RAB11B: variants seen among roughly 807,000 people sequenced by gnomAD.
The protein encoded by RAB11B is ras-related protein Rab-11B.
A neutral mutation model predicts 23.7 loss-of-function variants in RAB11B; 7 were observed. The observed-to-expected ratio is 0.29, with a 90% CI of 0.17 to 0.55. RAB11B has a LOEUF of 0.55. RAB11B is among the 20% of genes least tolerant of loss of function. The probability of loss-of-function intolerance (pLI) is 0.93; values close to 1 mark genes in which losing one functional copy is unlikely to be tolerated. For missense variants in RAB11B, 189 were observed against 320.0 expected (o/e 0.59, Z 3.12); for synonymous variants, 138 against 132.0 (o/e 1.05, Z -0.31).
intron 1 of RAB11B, among the ~76,000 whole-genome samples, chr19:8,398,361 TC>T (rs1383669593): frequency 6.6e-6 from 1 of 152,234 alleles, no homozygotes; most frequent in Non-Finnish European, 1.5e-5. Context: ...AGGGTTTGCA[TC>T]TTGGCAAGCT....
rs1971337236 is a variant in RAB11B, at chr19:8,390,398, C to G, written c.-19C>G. The stretch of plus-strand genomic sequence containing the variant: ...GGTGGGGCTGCGGAGTCGCCGATCC[C>G]GCCGGAAGCGCCAGGACAATGGGGA... On this transcript the variant is annotated 5_prime_UTR_variant, in exon 1 of 5. Coordinates refer to ENST00000328024, the MANE Select transcript of RAB11B (RefSeq NM_004218.4). 6.5e-7 allele frequency: 1 copy of G among 1,529,274 alleles called. No homozygotes were observed. The highest frequency in any genetic ancestry group is 8.8e-7 in the Non-Finnish European group (1 of 1,142,194). 94.7% of individuals were successfully genotyped at this position (1,529,274 alleles called of 1,614,324 possible).
intron 1 of RAB11B, among the ~76,000 whole-genome samples, chr19:8,395,744 G>A (rs983955209): frequency 1.3e-5 from 2 of 152,312 alleles, no homozygotes; most frequent in African/African-American, 2.4e-5. Context: ...GCCCCAGGGG[G>A]ACAGGCTGCC....
rs1417488686 is a variant in RAB11B, at chr19:8,391,860, G to A, written c.40+1404G>A. On this transcript the variant is annotated intron_variant, in intron 1 of 4. Coordinates refer to ENST00000328024, the MANE Select transcript of RAB11B (RefSeq NM_004218.4). ...CCGTGTGGCGAAAGCCTTCCGGGGGGAGGGAGAGGAAGTGCCTCTACAAGG... is the reference window on the plus strand; with the variant it reads ...CCGTGTGGCGAAAGCCTTCCGGGGGAAGGGAGAGGAAGTGCCTCTACAAGG... 1.7e-4 allele frequency among the ~76,000 whole-genome samples: 26 copies of A among 152,010 alleles called. 1 individual carries two copies. The highest frequency in any genetic ancestry group is 1.7e-3 in the Admixed American group (26 of 15,240).
chr19:8,402,648 C>A lies in RAB11B; in HGVS notation c.511+83C>A, dbSNP rs561294851. 1.6e-5 allele frequency: 11 copies of A among 673,110 alleles called. No homozygotes were observed. In the African/African-American group the frequency reaches 2.0e-4, roughly 12 times the overall value. The allele number at this position is 673,110 out of a possible 1,614,324, so 41.7% of individuals were successfully genotyped here. On this transcript the variant is annotated intron_variant, in intron 4 of 4. Coordinates refer to ENST00000328024, the MANE Select transcript of RAB11B (RefSeq NM_004218.4). ...CCTCTGAACCTTCGCTTGTTTTGTT[C>A]GTTTGCTTGTTTTTTTCTTTTTTTT... is the stretch of plus-strand genomic sequence containing the variant.
At chr19:8,394,545 T>C (rs1371943401) in intron 1 of RAB11B, among the ~76,000 whole-genome samples, 1 of 152,206 alleles carries the variant, frequency 6.6e-6, no homozygotes, top group Middle Eastern at 3.2e-3. Flanking sequence ...AGAATGATAA[T>C]ATTTACATCT....
rs1568229833 is a variant in RAB11B at position 8,403,758 on chromosome 19, TG to T, written c.*201del. The T allele has an allele frequency of 2.8e-6, 2 of 724,886 alleles. No homozygotes were observed. The highest frequency in any genetic ancestry group is 3.6e-5 in the African/African-American group (2 of 54,880). 44.9% of individuals were successfully genotyped at this position (724,886 alleles called of 1,614,324 possible). A position where few individuals can be genotyped will look rare whatever the true frequency, so the allele number is the denominator to read the frequency against. On this transcript the variant is annotated 3_prime_UTR_variant, in exon 5 of 5. Transcript: ENST00000328024. ...CGGGGAAAAGCTAGAAGCCCCGGTT[TG>T]CTGCACCCATGAAACTCGGGTCCCC...
Position 8,402,110 on chromosome 19 carries a change from C to T in RAB11B, c.261C>T (p.Ala87=), listed in dbSNP as rs1178161655. 6.2e-7 allele frequency: 1 copy of T among 1,604,896 alleles called. No individual in the cohort carries two copies. Among genetic ancestry groups the T allele is most frequent in the South Asian group, 1.1e-5 (1 of 89,358 alleles). ...TSAYYRGAVG[A]LLVYDIAKHL... is the part of the protein sequence containing the mutation. ...GGTACTACCGTGGTGCAGTGGGCGC[C>T]CTGCTGGTGTACGACATCGCCAAGC... is the stretch of plus-strand genomic sequence containing the variant. The change falls in exon 3 of 5, where the codon GCC becomes GCT. Residue 87 remains alanine, a synonymous_variant. Transcript: ENST00000328024.
rs775815753 is a variant in RAB11B at position 8,403,468 on chromosome 19, G to A, written c.567G>A (p.Glu189=). 1.9e-6 allele frequency: 3 copies of A among 1,613,860 alleles called. No individual in the cohort carries two copies. The East Asian group carries it at 6.7e-5, about 36-fold the overall frequency. ...TCGCAGACCGCGCTGCCCACGACGAGTCCCCGGGGAACAACGTGGTGGACA... is the reference window on the plus strand; with the variant it reads ...TCGCAGACCGCGCTGCCCACGACGAATCCCCGGGGAACAACGTGGTGGACA... The part of the protein sequence containing the change: ...KQIADRAAHD[E]SPGNNVVDIS... The change falls in exon 5 of 5, where the codon GAG becomes GAA. Residue 189 remains glutamate, a synonymous_variant. Coordinates refer to ENST00000328024, the MANE Select transcript of RAB11B (RefSeq NM_004218.4).
At position 8,403,497 on chromosome 19, in the gene RAB11B, G is replaced by A. The variant is rs1599689260; in HGVS notation, c.596G>A (p.Ser199Asn). Residue 199 changes from serine to asparagine, a missense_variant, in exon 5 of 5, where the codon AGC becomes AAC. By Grantham distance (46) the Ser-to-Asn change is conservative. Transcript: ENST00000328024. The part of the protein sequence containing the change: ...ESPGNNVVDI[S>N]VPPTTDGQKP... ...CCGGGGAACAACGTGGTGGACATCA[G>A]CGTGCCGCCCACCACGGACGGACAG... 1.2e-6 allele frequency: 2 copies of A among 1,614,032 alleles called. No homozygotes were observed. The highest frequency in any genetic ancestry group is 1.7e-6 in the Non-Finnish European group (2 of 1,179,944).
At chr19:8,399,083 G>A (rs892525907) in intron 1 of RAB11B, among the ~76,000 whole-genome samples, 1 of 151,992 alleles carries the variant, frequency 6.6e-6, no homozygotes, top group African/African-American at 2.4e-5. Context: ...CTCCCAAGTA[G>A]CTGGGGCTAC....
chr19:8,392,685 C>T (rs919731728), intron 1 of RAB11B, among the ~76,000 whole-genome samples: 48 of 79,676 alleles, frequency 6.0e-4, no homozygotes, highest in Non-Finnish European at 7.7e-4. Context: ...TTTTTCTTTT[C>T]TTTTTTTTTT....
At chr19:8,393,189 T>G (rs1948850534) in intron 1 of RAB11B, among the ~76,000 whole-genome samples, 1 of 152,202 alleles carries the variant, frequency 6.6e-6, no homozygotes, top group South Asian at 2.1e-4. Flanking sequence ...CATTTTCTCC[T>G]TTAGCCATGG....
chr19:8,399,952 A>G lies in RAB11B; in HGVS notation c.130A>G (p.Ile44Val), dbSNP rs1216134182. Residue 44 changes from isoleucine to valine, a missense_variant, in exon 2 of 5, where the codon ATC becomes GTC. Ile to Val is a conservative substitution (Grantham distance 29). This residue lies in a region of RAB11B where 28 missense variants were observed against 43.1 expected (regional missense o/e 0.65). Transcript: ENST00000328024. The part of the protein sequence containing the change: ...NEFNLESKST[I>V]GVEFATRSIQ... ...GTTCAACCTGGAGAGCAAGAGCACC[A>G]TCGGCGTGGAGTTCGCCACCCGCAG... 1.2e-6 allele frequency: 2 copies of G among 1,614,210 alleles called. No homozygotes were observed. Among genetic ancestry groups the G allele is most frequent in the South Asian group, 1.1e-5 (1 of 91,086 alleles).
chr19:8,392,332 A>C (rs1286765623), intron 1 of RAB11B, among the ~76,000 whole-genome samples: 1 of 152,202 alleles, frequency 6.6e-6, no homozygotes, highest in Non-Finnish European at 1.5e-5. Flanking sequence ...CGTTCCCAGC[A>C]GAACAGTTAC....
chr19:8,394,521 C>G (rs759536862), intron 1 of RAB11B, among the ~76,000 whole-genome samples: 12 of 152,304 alleles, frequency 7.9e-5, no homozygotes, highest in Non-Finnish European at 1.2e-4. Context: ...TTGAGTGTCC[C>G]CAGCTGTTCA....
Position 8,403,402 on chromosome 19 carries a change from C to T in RAB11B, c.512-11C>T. The T allele has an allele frequency of 6.2e-7, 1 of 1,607,054 alleles. No homozygotes were observed. Among genetic ancestry groups the T allele is most frequent in the Non-Finnish European group, 8.5e-7 (1 of 1,174,986 alleles). ...TGGCTCACCCCACGTCCCCCTGTAC[C>T]CCCTTTGCAGAGATCTACCGCATCG... On this transcript the variant is annotated splice_polypyrimidine_tract_variant and intron_variant, in intron 4 of 4. Coordinates refer to ENST00000328024, the MANE Select transcript of RAB11B (RefSeq NM_004218.4).
At chr19:8,395,734 G>T (rs2967612) in intron 1 of RAB11B, among the ~76,000 whole-genome samples, 107,440 of 152,010 alleles carry the variant, frequency 0.71, 38,360 homozygotes, top group Admixed American at 0.72. Context: ...TTTGCTGGCC[G>T]CCCCAGGGGG....
chr19:8,399,908 C>T lies in RAB11B; in HGVS notation c.86C>T (p.Ser29Leu). The T allele has an allele frequency of 5.6e-6, 9 of 1,614,224 alleles. No individual in the cohort carries two copies. Among genetic ancestry groups the T allele is most frequent in the Non-Finnish European group, 7.6e-6 (9 of 1,180,032 alleles). ...GGCGTGGGCAAGAGCAACCTGCTGT[C>T]GCGCTTCACCCGCAACGAGTTCAAC... ...DSGVGKSNLL[S>L]RFTRNEFNLE... The change falls in exon 2 of 5, where the codon TCG (serine) becomes TTG (leucine). Residue 29 changes from serine (S) to leucine (L), a missense_variant. Physicochemically the swap from Ser to Leu is moderately radical, Grantham distance 145. This residue lies in a region of RAB11B where 2 missense variants were observed against 27.0 expected (regional missense o/e 0.07). Transcript: ENST00000328024.
chr19:8,390,653 G>T, intron 1 of RAB11B, 197 bp downstream of exon 1: 1 of 520,674 alleles, frequency 1.9e-6, no homozygotes, highest in Non-Finnish European at 3.0e-6. Context: ...CGGAGCCGGA[G>T]GCCCGGAGAG....
Sources: allele counts gnomAD v4.1 joint callset (sites outside exome capture counted in the v4.1 genomes callset), GRCh38; gene constraint gnomAD v4.1.1; regional missense constraint gnomAD v4.1.1; transcripts MANE v1.5; gene names NCBI Gene and HGNC (gene_info 2026-07-23, HGNC 2026-07-21).